The following TAOK1 variants were observed in gnomAD, a reference collection of about 807,000 sequenced individuals.
The protein encoded by TAOK1 is serine/threonine-protein kinase TAO1.
Under a neutral mutation model 138.3 loss-of-function variants are expected in TAOK1, and 21 were observed. That is an observed-to-expected ratio of 0.15 (90% CI 0.11 to 0.22). The LOEUF is 0.22. Among genes scored for constraint, TAOK1 ranks in the 10% least tolerant of loss-of-function variants. The probability of loss-of-function intolerance (pLI) is 1.00; values close to 1 mark genes in which losing one functional copy is unlikely to be tolerated. For synonymous variants in TAOK1, 361 were observed against 398.4 expected, an observed-to-expected ratio of 0.91 and a Z score of 1.12; for missense variants, 651 against 1,227.7, an observed-to-expected ratio of 0.53 and a Z score of 7.02.
intron 2 of TAOK1, among the ~76,000 whole-genome samples, chr17:29,458,966 C>G (rs147110473): frequency 6.6e-6 from 1 of 151,760 alleles, no homozygotes; most frequent in Non-Finnish European, 1.5e-5. Flanking sequence ...GAGATCCACC[C>G]GCCTTGGCCT....
Position 29,496,579 on chromosome 17 carries a change from CTTTTTTTTTTTT to C in TAOK1, c.999+866_999+877del, listed in dbSNP as rs748595265. Among the ~76,000 whole-genome samples, 2 of 87,886 alleles carry C rather than the reference CTTTTTTTTTTTT, an allele frequency of 2.3e-5. 1 individual carries two copies. Among genetic ancestry groups the C allele is most frequent in the African/African-American group, 9.3e-5 (2 of 21,536 alleles). The allele number at this position is 87,886 out of a possible 152,430, so 57.7% of individuals were successfully genotyped here. On this transcript the variant is annotated intron_variant, in intron 11 of 19. Coordinates refer to ENST00000261716, the MANE Select transcript of TAOK1 (RefSeq NM_020791.4). ...AAACTTGATTTCATTCCATCTACAC[CTTTTTTTTTTTT>C]TTTTTTTTTTTTTAAAGACAGGGTC...
chr17:29,534,381 C>T (rs2032186902), intron 19 of TAOK1, 81 bp downstream of exon 19: 5 of 1,266,124 alleles, frequency 3.9e-6, no homozygotes, highest in Admixed American at 6.7e-5. Context: ...TTCATGTTGG[C>T]AGAGGTCACA....
chr17:29,408,066 C>T (rs534344752), intron 1 of TAOK1, among the ~76,000 whole-genome samples: 6 of 152,102 alleles, frequency 3.9e-5, no homozygotes, highest in African/African-American at 1.2e-4. Context: ...TTTCTAGATT[C>T]TGTGCCAGGA....
At chr17:29,397,696 T>C (rs972021427) in intron 1 of TAOK1, among the ~76,000 whole-genome samples, 13 of 91,314 alleles carry the variant, frequency 1.4e-4, no homozygotes, top group African/African-American at 4.6e-4. Context: ...TGTATATTCA[T>C]GTATGCATAC....
intron 1 of TAOK1, among the ~76,000 whole-genome samples, chr17:29,398,079 C>G (rs1469450270): frequency 6.6e-6 from 1 of 152,086 alleles, no homozygotes; most frequent in African/African-American, 2.4e-5. Flanking sequence ...GTTGCCCAAT[C>G]TGGTCTCAAA....
intron 1 of TAOK1, among the ~76,000 whole-genome samples, chr17:29,399,601 C>T (rs1904775436): frequency 6.6e-6 from 1 of 152,238 alleles, no homozygotes; most frequent in African/African-American, 2.4e-5. Context: ...AGGCGTGAGC[C>T]ACTGCGCCTG....
intron 19 of TAOK1, among the ~76,000 whole-genome samples, chr17:29,539,875 G>A (rs1267226366): frequency 2.0e-5 from 3 of 152,090 alleles, no homozygotes; most frequent in Admixed American, 6.6e-5. Context: ...GCAAGACCCT[G>A]TCTCGAAAAA....
chr17:29,435,751 A>T (rs1906008559), intron 1 of TAOK1, among the ~76,000 whole-genome samples: 1 of 152,250 alleles, frequency 6.6e-6, no homozygotes, highest in Non-Finnish European at 1.5e-5. Flanking sequence ...CCTTGTTAAA[A>T]TAACCATTTT....
intron 15 of TAOK1, chr17:29,513,543 G>T (rs773536637): frequency 6.6e-6 from 1 of 152,148 alleles, no homozygotes; most frequent in Non-Finnish European, 1.5e-5. Context: ...AAGCTAAGTT[G>T]TTGTGTATGT....
chr17:29,491,513 G>A (rs2031295124), intron 9 of TAOK1, among the ~76,000 whole-genome samples: 1 of 152,068 alleles, frequency 6.6e-6, no homozygotes, highest in Non-Finnish European at 1.5e-5. Context: ...CCCTCATTTT[G>A]CCTCGATATA....
At chr17:29,396,719 T>C (rs868574520) in intron 1 of TAOK1, among the ~76,000 whole-genome samples, 1 of 152,146 alleles carries the variant, frequency 6.6e-6, no homozygotes, top group Non-Finnish European at 1.5e-5. Flanking sequence ...TAATGTTGGC[T>C]GGGCGTGGTG....
chr17:29,530,620 G>A lies in TAOK1; in HGVS notation c.2361+1G>A. The A allele has an allele frequency of 6.2e-7, 1 of 1,613,592 alleles. No individual in the cohort carries two copies. The highest frequency in any genetic ancestry group is 8.5e-7 in the Non-Finnish European group (1 of 1,179,754). On this transcript the variant is annotated splice_donor_variant, in intron 18 of 19. Coordinates refer to ENST00000261716, the MANE Select transcript of TAOK1 (RefSeq NM_020791.4). LOFTEE classifies it high-confidence loss of function. Reference sequence around the variant, plus strand: ...TAATGAAATGCTCTCCACACAAGCCGTGAGTTTGCTTTTTTTGGGGCAAAA... The same window carrying A: ...TAATGAAATGCTCTCCACACAAGCCATGAGTTTGCTTTTTTTGGGGCAAAA...
intron 12 of TAOK1, among the ~76,000 whole-genome samples, chr17:29,500,054 C>T (rs533974525): frequency 5.3e-5 from 8 of 152,148 alleles, no homozygotes; most frequent in Non-Finnish European, 1.0e-4. Context: ...AGGCCCACCC[C>T]TGTAATTCTA....
At chr17:29,411,293 G>A (rs1186979019) in intron 1 of TAOK1, among the ~76,000 whole-genome samples, 2 of 150,864 alleles carry the variant, frequency 1.3e-5, no homozygotes, top group African/African-American at 2.4e-5. Context: ...GGGTTTCACC[G>A]TTTTAGCCGG....
At chr17:29,407,790 C>T (rs955360741) in intron 1 of TAOK1, among the ~76,000 whole-genome samples, 5 of 152,122 alleles carry the variant, frequency 3.3e-5, no homozygotes, top group African/African-American at 1.2e-4. Flanking sequence ...GTGAACATAT[C>T]TAAATTGAAC....
At position 29,548,548 on chromosome 17, in the gene TAOK1, T is replaced by C. The variant is rs960075088; in HGVS notation, c.*5526T>C. 2.6e-5 allele frequency: 4 copies of C among 151,994 alleles called. No homozygotes were observed. Among genetic ancestry groups the C allele is most frequent in the African/African-American group, 9.7e-5 (4 of 41,396 alleles). The allele number at this position is 151,994 out of a possible 1,614,324, so 9.4% of individuals were successfully genotyped here. ...ATATACTAATCTGAACATCTGTAGGTAGTTTGTCATGAAAAAGTGGAGAGA... is the reference window on the plus strand; with the variant it reads ...ATATACTAATCTGAACATCTGTAGGCAGTTTGTCATGAAAAAGTGGAGAGA... On this transcript the variant is annotated 3_prime_UTR_variant, in exon 20 of 20. Transcript: ENST00000261716.
chr17:29,494,825 CA>C (rs368548444), intron 10 of TAOK1, among the ~76,000 whole-genome samples: 1,382 of 48,308 alleles, frequency 0.029, 6 homozygotes, highest in African/African-American at 0.089. Context: ...GACTCCGTCT[CA>C]AAAAAAAAAA....
chr17:29,496,579 CTTTTTTT>C (rs748595265), intron 11 of TAOK1, among the ~76,000 whole-genome samples: 3 of 87,858 alleles, frequency 3.4e-5, no homozygotes, highest in Admixed American at 1.6e-4. Flanking sequence ...CCATCTACAC[CTTTTTTT>C]TTTTTTTTTT....
chr17:29,530,145 A>G (rs2032078478), intron 17 of TAOK1, among the ~76,000 whole-genome samples: 1 of 152,244 alleles, frequency 6.6e-6, no homozygotes, highest in East Asian at 1.9e-4. Context: ...AACAACAGAT[A>G]TTGTTACAAG....
Sources: allele counts gnomAD v4.1 joint callset (sites outside exome capture counted in the v4.1 genomes callset), GRCh38; gene constraint gnomAD v4.1.1; transcripts MANE v1.5; gene names NCBI Gene and HGNC (gene_info 2026-07-23, HGNC 2026-07-21).